The following PLEKHA6 variants were observed in gnomAD, a reference collection of about 807,000 sequenced individuals.
PLEKHA6 encodes the protein pleckstrin homology domain-containing family A member 6.
A neutral mutation model predicts 116.7 loss-of-function variants in PLEKHA6; 60 were observed. That is an observed-to-expected ratio of 0.51 (90% CI 0.42 to 0.64). The LOEUF (loss-of-function observed/expected upper bound fraction) is 0.64, where lower values mean the gene tolerates loss of function less well. Among genes scored for constraint, PLEKHA6 ranks in the 30% least tolerant of loss-of-function variants. The pLI, the probability that PLEKHA6 is intolerant of heterozygous loss-of-function variation, is 0.00. For missense variants in PLEKHA6, 1,338 were observed against 1,422.7 expected, an observed-to-expected ratio of 0.94 and a Z score of 0.96; for synonymous variants, 489 against 556.1, an observed-to-expected ratio of 0.88 and a Z score of 1.70.
At chr1:204,354,668 C>T (rs1302042242) in intron 1 of PLEKHA6, among the ~76,000 whole-genome samples, 1 of 152,176 alleles carries the variant, frequency 6.6e-6, no homozygotes, top group Non-Finnish European at 1.5e-5. Flanking sequence ...ATGGCTACTA[C>T]TTGGGTCAGG....
chr1:204,358,354 C>G (rs750732271), intron 1 of PLEKHA6, among the ~76,000 whole-genome samples: 12 of 152,214 alleles, frequency 7.9e-5, no homozygotes, highest in Non-Finnish European at 1.6e-4. Context: ...CCTCCACCAG[C>G]AGGGTCTGCT....
chr1:204,286,107 CA>C (rs5780224), intron 1 of PLEKHA6, among the ~76,000 whole-genome samples: 54,966 of 151,934 alleles, frequency 0.36, 10,346 homozygotes, highest in East Asian at 0.52. Flanking sequence ...CTATGGAAAT[CA>C]CAGGTAAACA....
rs1669174505 is a variant in PLEKHA6, at chr1:204,286,347, T to A, written c.-94-11538A>T. On this transcript the variant is annotated intron_variant, in intron 1 of 22. Transcript: ENST00000272203. The stretch of plus-strand genomic sequence containing the variant: ...AGGGACACTGCTGTTCCCACCCCTG[T>A]CCTGCCACGCAGCAGCCGTGAAGAA... Among the ~76,000 whole-genome samples the A allele has an allele frequency of 2.6e-5, 4 of 151,986 alleles. No homozygotes were observed. The South Asian group carries it at 8.3e-4, about 32-fold the overall frequency.
At chr1:204,322,589 C>T (rs936093136) in intron 1 of PLEKHA6, among the ~76,000 whole-genome samples, 1 of 152,094 alleles carries the variant, frequency 6.6e-6, no homozygotes, top group Non-Finnish European at 1.5e-5. Flanking sequence ...AGTCCCAGGC[C>T]CCCATAGCTT....
chr1:204,364,561 T>C (rs115088120), upstream of PLEKHA6, among the ~76,000 whole-genome samples: 2,718 of 152,312 alleles, frequency 0.018, 67 homozygotes, highest in Middle Eastern at 0.058. Context: ...CATAAAGCAC[T>C]TAGCTCCTAG....
Position 204,250,566 on chromosome 1 carries a change from A to C in PLEKHA6, c.1573T>G (p.Leu525Val). 2 of 1,612,844 alleles carry C rather than the reference A, an allele frequency of 1.2e-6. No individual in the cohort carries two copies. The highest frequency in any genetic ancestry group is 4.5e-5 in the East Asian group (2 of 44,868). The change falls in exon 10 of 23, where the codon TTA becomes GTA. Residue 525 changes from leucine to valine, a missense_variant. Leu to Val is a conservative substitution (Grantham distance 32, BLOSUM62 1). Around this residue, in one of 3 missense-constraint regions of PLEKHA6, gnomAD observed 1,136 missense variants for 1,163.6 expected, o/e 0.98. Transcript: ENST00000272203. ...CTTACATCTGTGTCTTGCTCGTTTA[A>C]CTTGTAGGTGTGGAGGCTGTCCCGG... ...VFRDSLHTYK[L>V]NEQDTDKLLG...
At chr1:204,335,940 C>A (rs1266046445) in intron 1 of PLEKHA6, among the ~76,000 whole-genome samples, 1 of 152,190 alleles carries the variant, frequency 6.6e-6, no homozygotes, top group African/African-American at 2.4e-5. Flanking sequence ...TTAAGAGAAG[C>A]CTCTAAAGTG....
In PLEKHA6 at chr1:204,228,718, G is replaced by A. The variant is rs1284277700; in HGVS notation, c.2885+10C>T. 2 of 1,613,792 alleles carry A rather than the reference G, an allele frequency of 1.2e-6. No individual in the cohort carries two copies. The highest frequency in any genetic ancestry group is 1.7e-6 in the Non-Finnish European group (2 of 1,179,726). On this transcript the variant is annotated intron_variant, in intron 20 of 22. Transcript: ENST00000272203. This position sits in a 1 kb window ranked among gnomAD's most constrained non-coding sequence, Gnocchi z 4.0. ...AGCAGAGGAAGTAGAGGCTCACCCA[G>A]GCTGGTTACCTGGATTTGGCAATGA...
rs1660982627 is a variant in PLEKHA6 at position 204,230,294 on chromosome 1, TG to T, written c.2583+118del. On this transcript the variant is annotated intron_variant, in intron 18 of 22. Transcript: ENST00000272203. Reference sequence around the variant, plus strand: ...CTCCGGCTCTCCCAGGTGCCCAGCTTGGGTTCTTTCCCCTCTCCTTCCTCTC... The same window carrying T: ...CTCCGGCTCTCCCAGGTGCCCAGCTTGGTTCTTTCCCCTCTCCTTCCTCTC... The T allele has an allele frequency of 4.1e-6, 3 of 727,856 alleles. No homozygotes were observed. In the South Asian group the frequency reaches 6.4e-5, roughly 15 times the overall value. 45.1% of individuals were successfully genotyped at this position (727,856 alleles called of 1,614,324 possible).
rs1660717572 is a variant in PLEKHA6 at position 204,228,637 on chromosome 1, G to A, written c.2885+91C>T. ...CCACCTCGATGTGCTCTCCCCTGGG[G>A]AGGCTCTGTGCCCCCAACGACTTCT... On this transcript the variant is annotated intron_variant, in intron 20 of 22. Coordinates refer to ENST00000272203, the MANE Select transcript of PLEKHA6 (RefSeq NM_014935.5). This position sits in a 1 kb window ranked among gnomAD's most constrained non-coding sequence, Gnocchi z 4.0. The A allele has an allele frequency of 1.7e-6, 2 of 1,190,098 alleles. No individual in the cohort carries two copies. Among genetic ancestry groups the A allele is most frequent in the Non-Finnish European group, 1.2e-6 (1 of 802,944 alleles). The allele number at this position is 1,190,098 out of a possible 1,614,324, so 73.7% of individuals were successfully genotyped here.
intron 15 of PLEKHA6, 42 bp downstream of exon 15, chr1:204,244,822 C>T: frequency 6.8e-7 from 1 of 1,464,750 alleles, no homozygotes; most frequent in East Asian, 2.6e-5. Context: ...AGGATCTGGT[C>T]CTCCCTCCCC....
At chr1:204,273,985 GCA>G (rs1311357404) in intron 2 of PLEKHA6, among the ~76,000 whole-genome samples, 2 of 152,078 alleles carry the variant, frequency 1.3e-5, no homozygotes, top group East Asian at 3.9e-4. Flanking sequence ...CCAGCCTGTA[GCA>G]CAGTGGCACA....
chr1:204,258,334 G>A (rs1665638557), intron 8 of PLEKHA6, among the ~76,000 whole-genome samples: 1 of 152,166 alleles, frequency 6.6e-6, no homozygotes, highest in South Asian at 2.1e-4. Flanking sequence ...GGCCATCAAG[G>A]CTCACTGCAG....
intron 1 of PLEKHA6, chr1:204,326,900 T>C: frequency 1.1e-5 from 8 of 752,366 alleles, no homozygotes; most frequent in Non-Finnish European, 1.3e-5. Context: ...ATGATCCAAA[T>C]AGGGTGAGGA....
At chr1:204,229,512 C>T (rs1022364882) in intron 18 of PLEKHA6, among the ~76,000 whole-genome samples, 4 of 152,324 alleles carry the variant, frequency 2.6e-5, no homozygotes, top group East Asian at 1.9e-4. Context: ...CTCCTGGCCT[C>T]GAGTCCTCCC....
At chr1:204,297,763 G>T in intron 1 of PLEKHA6, 1 of 371,326 alleles carries the variant, frequency 2.7e-6, no homozygotes, top group Non-Finnish European at 3.7e-6. Context: ...CAGAAACATC[G>T]GAACTGAAAT....
intron 1 of PLEKHA6, among the ~76,000 whole-genome samples, chr1:204,291,651 G>A (rs556983326): frequency 1.3e-5 from 2 of 152,168 alleles, no homozygotes; most frequent in Non-Finnish European, 2.9e-5. Context: ...ATATTTATAT[G>A]GAATAAAAGG....
intron 1 of PLEKHA6, among the ~76,000 whole-genome samples, chr1:204,337,859 C>T (rs1047108014): frequency 2.6e-5 from 4 of 152,206 alleles, no homozygotes; most frequent in African/African-American, 4.8e-5. Flanking sequence ...CCGTCAACTG[C>T]GTTGCCAGCC....
intron 1 of PLEKHA6, among the ~76,000 whole-genome samples, chr1:204,322,833 C>T (rs1002548093): frequency 2.2e-4 from 33 of 152,220 alleles, no homozygotes; most frequent in African/African-American, 7.2e-4. Context: ...ACTCTTCCCA[C>T]CCCAACCAAG....
Sources: gnomAD v4.1 joint callset for allele counts (sites outside exome capture counted in the v4.1 genomes callset) on GRCh38, gnomAD v4.1.1 for gene constraint, gnomAD v4.1.1 regional missense constraint, Gnocchi (gnomAD v3.1) non-coding constraint, MANE v1.5 for transcripts, NCBI Gene and HGNC (gene_info 2026-07-23, HGNC 2026-07-21) for gene names.